The following CYRIB variants were observed in gnomAD, a reference collection of about 807,000 sequenced individuals.
CYRIB encodes the protein CYFIP related Rac1 interactor B, also known as CYFIP-related Rac1 interactor B.
A neutral mutation model predicts 44.2 loss-of-function variants in CYRIB; 8 were observed. That is an observed-to-expected ratio of 0.18 (90% confidence interval 0.11 to 0.33). The LOEUF (loss-of-function observed/expected upper bound fraction) is 0.33, where lower values mean the gene tolerates loss of function less well. Ranked by LOEUF, CYRIB falls within the 10% of genes least tolerant of loss-of-function variation. The probability of loss-of-function intolerance (pLI) is 1.00; values close to 1 mark genes in which losing one functional copy is unlikely to be tolerated. For missense variants in CYRIB, 185 were observed against 382.8 expected (o/e 0.48, Z 4.31); for synonymous variants, 131 against 127.2 (o/e 1.03, Z -0.20).
chr8:129,960,949 CAAA>C (rs35845303), intron 2 of CYRIB, among the ~76,000 whole-genome samples: 1 of 102,838 alleles, frequency 9.7e-6, no homozygotes. Flanking sequence ...GACTCAGTCT[CAAA>C]AAAAAAAAAA....
At chr8:129,920,678 C>T (rs1366955271) in intron 1 of CYRIB, among the ~76,000 whole-genome samples, 4 of 151,984 alleles carry the variant, frequency 2.6e-5, no homozygotes, top group Admixed American at 2.6e-4. Flanking sequence ...ATTCTGAAAC[C>T]ATTAACTCAT....
At chr8:129,956,025 C>T (rs1234388187) in intron 2 of CYRIB, among the ~76,000 whole-genome samples, 2 of 152,146 alleles carry the variant, frequency 1.3e-5, no homozygotes, top group Non-Finnish European at 2.9e-5. Context: ...GCCCAGCAGC[C>T]CCATCTTTCT....
At chr8:129,946,063 C>T (rs532548367) in intron 2 of CYRIB, among the ~76,000 whole-genome samples, 2 of 152,320 alleles carry the variant, frequency 1.3e-5, no homozygotes, top group East Asian at 3.9e-4. Context: ...AGCTCCAAAG[C>T]ACTATGTCAT....
chr8:129,861,831 T>A (rs1489399289), intron 5 of CYRIB, among the ~76,000 whole-genome samples: 1 of 152,180 alleles, frequency 6.6e-6, no homozygotes, highest in Non-Finnish European at 1.5e-5. Flanking sequence ...TTGATTTCTT[T>A]GGATGCTAAA....
At chr8:129,922,968 T>G (rs1385726176) in intron 1 of CYRIB, among the ~76,000 whole-genome samples, 31 of 141,332 alleles carry the variant, frequency 2.2e-4, no homozygotes, top group East Asian at 1.3e-3. Flanking sequence ...GGTGGCTCAC[T>G]CCTGTAATCC....
At chr8:129,852,838 G>A (rs2044070846) in intron 7 of CYRIB, among the ~76,000 whole-genome samples, 1 of 152,194 alleles carries the variant, frequency 6.6e-6, no homozygotes. Flanking sequence ...ACAGGTTGGG[G>A]TCAGACTGTA....
chr8:129,884,577 C>A (rs2062013682), intron 2 of CYRIB, among the ~76,000 whole-genome samples: 2 of 152,190 alleles, frequency 1.3e-5, no homozygotes, highest in Non-Finnish European at 1.5e-5. Flanking sequence ...CGTGAGCCAC[C>A]AGGCCCGGCC....
intron 1 of CYRIB, among the ~76,000 whole-genome samples, chr8:130,015,439 G>C (rs1038554978): frequency 1.3e-5 from 2 of 152,164 alleles, no homozygotes. Flanking sequence ...AAGACTCAGA[G>C]AGGGTAAGCG....
chr8:129,858,809 C>T (rs1262331288), intron 5 of CYRIB, among the ~76,000 whole-genome samples: 2 of 152,212 alleles, frequency 1.3e-5, no homozygotes, highest in African/African-American at 2.4e-5. Flanking sequence ...GTCCTACTAC[C>T]TGACCATACA....
At chr8:129,908,539 A>G (rs1311001480) in intron 1 of CYRIB, among the ~76,000 whole-genome samples, 1 of 152,188 alleles carries the variant, frequency 6.6e-6, no homozygotes, top group Non-Finnish European at 1.5e-5. Context: ...GTAAAAGAGC[A>G]AAAATAAACT....
intron 1 of CYRIB, among the ~76,000 whole-genome samples, chr8:129,911,148 T>G (rs1318141704): frequency 1.3e-5 from 2 of 152,232 alleles, no homozygotes; most frequent in Admixed American, 6.5e-5. Flanking sequence ...ATTGTCCCTT[T>G]CTACTCAGCT....
intron 1 of CYRIB, among the ~76,000 whole-genome samples, chr8:129,999,697 G>C (rs76884832): frequency 1.3e-5 from 2 of 152,194 alleles, no homozygotes; most frequent in Non-Finnish European, 2.9e-5. Context: ...GCACGATCAC[G>C]GCTCCCTGAA....
At chr8:129,943,930 AAAG>A (rs1418860657), upstream of CYRIB, among the ~76,000 whole-genome samples, 2 of 149,930 alleles carry the variant, frequency 1.3e-5, no homozygotes, top group African/African-American at 4.9e-5. Flanking sequence ...AAAAAAAAAA[AAAG>A]AATGAGACCT....
chr8:129,871,549 T>C (rs1294879412), intron 3 of CYRIB, 53 bp from the exon 6 acceptor site: 2 of 1,589,758 alleles, frequency 1.3e-6, no homozygotes, highest in Admixed American at 3.5e-5. Context: ...TTTTTTAAAA[T>C]ACATGTGTAA....
chr8:129,974,786 C>T (rs777393349), intron 1 of CYRIB, among the ~76,000 whole-genome samples: 9 of 150,720 alleles, frequency 6.0e-5, no homozygotes, highest in Non-Finnish European at 1.2e-4. Flanking sequence ...GTGGCTCAAA[C>T]ATGGCTTACT....
At chr8:129,969,317 C>A (rs1225347002) in intron 2 of CYRIB, among the ~76,000 whole-genome samples, 10 of 152,114 alleles carry the variant, frequency 6.6e-5, no homozygotes, top group Non-Finnish European at 1.5e-4. Flanking sequence ...GCCGGCCTAT[C>A]CTCATTTTTG....
At chr8:129,862,652 A>C (rs1319936024) in intron 4 of CYRIB, among the ~76,000 whole-genome samples, 1 of 152,074 alleles carries the variant, frequency 6.6e-6, no homozygotes, top group African/African-American at 2.4e-5. Context: ...TTTTATTTTT[A>C]GTAGAGATGG....
chr8:129,911,822 G>C (rs2078199713), intron 1 of CYRIB, among the ~76,000 whole-genome samples: 1 of 152,138 alleles, frequency 6.6e-6, no homozygotes, highest in Non-Finnish European at 1.5e-5. Context: ...GGATCTCCTG[G>C]TTACTGTCAA....
chr8:129,929,698 TC>T (rs949961748), intron 1 of CYRIB, among the ~76,000 whole-genome samples: 45 of 152,156 alleles, frequency 3.0e-4, no homozygotes. Flanking sequence ...ATACCACTTA[TC>T]CCCATTATAT....
Sources: gnomAD v4.1 joint callset for allele counts (sites outside exome capture counted in the v4.1 genomes callset) on GRCh38, gnomAD v4.1.1 for gene constraint, MANE v1.5 for transcripts, NCBI Gene and HGNC (gene_info 2026-07-23, HGNC 2026-07-21) for gene names.